The following CD80 variants were observed in gnomAD, a reference collection of about 807,000 sequenced individuals.
The protein encoded by CD80 is CD80 molecule, also known as T-lymphocyte activation antigen CD80.
CD80 carries 13 observed loss-of-function variants against 27.1 expected under a neutral mutation model. The ratio of observed to expected loss-of-function variants is 0.48; its 90% CI spans 0.31 to 0.76. The LOEUF (loss-of-function observed/expected upper bound fraction) is 0.76. CD80 is among the 30% of genes least tolerant of loss of function. The pLI, the probability that CD80 is intolerant of heterozygous loss-of-function variation, is 0.04. For synonymous variants in CD80, 125 were observed against 125.5 expected (o/e 1.00, Z 0.03); for missense variants, 277 against 347.9 (o/e 0.80, Z 1.62).
chr3:119,537,325 G>A lies in CD80; in HGVS notation c.512C>T (p.Pro171Leu). ...ICSTSGGFPEPHLSWLENGEE... is the reference protein window; with the variant it reads ...ICSTSGGFPELHLSWLENGEE... ...TCCATTTTCCAACCAGGAGAGGTGAGGCTCTGGAAAACCTCCAGAGGTTGA... is the reference window on the plus strand; with the variant it reads ...TCCATTTTCCAACCAGGAGAGGTGAAGCTCTGGAAAACCTCCAGAGGTTGA... The change falls in exon 4 of 7, where the codon CCT becomes CTT. Residue 171 changes from proline (P) to leucine (L), a missense_variant. Pro to Leu is a moderately conservative substitution (Grantham distance 98, BLOSUM62 -3). Transcript: ENST00000264246. 1 of 1,613,926 alleles carries A rather than the reference G, an allele frequency of 6.2e-7. No individual in the cohort carries two copies. The highest frequency in any genetic ancestry group is 8.5e-7 in the Non-Finnish European group (1 of 1,179,856).
Position 119,544,714 on chromosome 3 carries a change from G to A in CD80, c.254C>T (p.Pro85Leu). 1 of 1,614,134 alleles carries A rather than the reference G, an allele frequency of 6.2e-7. No homozygotes were observed. The highest frequency in any genetic ancestry group is 8.5e-7 in the Non-Finnish European group (1 of 1,180,024). ...AAAGATGGTCCGGTTCTTGTACTCG[G>A]GCCATATATTCATGTCCCCAGACAT... ...TMMSGDMNIWPEYKNRTIFDI... is the reference protein window; with the variant it reads ...TMMSGDMNIWLEYKNRTIFDI... The change falls in exon 3 of 7, where the codon CCC (proline) becomes CTC (leucine). Residue 85 changes from proline (P) to leucine (L), a missense_variant. Coordinates refer to ENST00000264246, the MANE Select transcript of CD80 (RefSeq NM_005191.4).
At chr3:119,549,094 T>G (rs74643995) in intron 2 of CD80, among the ~76,000 whole-genome samples, 10,299 of 152,104 alleles carry the variant, frequency 0.068, 1,115 homozygotes, top group African/African-American at 0.23. Context: ...CCAGGCCTGA[T>G]TGATCCCATG....
Position 119,529,897 on chromosome 3 carries a change from C to T in CD80, c.741G>A (p.Trp247Ter), listed in dbSNP as rs2082100331. The T allele has an allele frequency of 6.2e-7, 1 of 1,613,646 alleles. No individual in the cohort carries two copies. Among genetic ancestry groups the T allele is most frequent in the Non-Finnish European group, 8.5e-7 (1 of 1,179,800 alleles). ...EHFPDNLLPS[W>*]AITLISVNGI... is the part of the protein sequence containing the mutation. ...CATTTACTGAGATTAAGGTAATGGC[C>T]CAGGATGGGAGCAGGTTATCAGGAA... is the stretch of plus-strand genomic sequence containing the variant. Residue 247 changes from tryptophan to a stop codon, truncating the protein, a stop_gained, in exon 5 of 7, where the codon TGG becomes TGA. Coordinates refer to ENST00000264246, the MANE Select transcript of CD80 (RefSeq NM_005191.4). LOFTEE classifies it high-confidence loss of function.
chr3:119,548,209 T>C (rs1416437059), intron 2 of CD80, among the ~76,000 whole-genome samples: 1 of 152,166 alleles, frequency 6.6e-6, no homozygotes, highest in Non-Finnish European at 1.5e-5. Context: ...CTCAAACTCC[T>C]GATCTCAGGT....
At chr3:119,542,305 C>G (rs1374938515) in intron 3 of CD80, among the ~76,000 whole-genome samples, 7 of 151,986 alleles carry the variant, frequency 4.6e-5, no homozygotes. Context: ...TTGGCTTACT[C>G]CCCACAACTT....
At position 119,527,794 on chromosome 3, in the gene CD80, T is replaced by C; in HGVS notation, c.844A>G (p.Arg282Gly). Residue 282 changes from arginine (R) to glycine (G), a missense_variant, in exon 6 of 7, where the codon AGG (arginine) becomes GGG (glycine). Arg to Gly is a moderately radical substitution (Grantham distance 125, BLOSUM62 -2). Transcript: ENST00000264246. Reference protein sequence around the residue: ...RERRRNERLRRESVRPV With the variant: ...RERRRNERLRGESVRPV ...TGTTATACAGGGCGTACACTTTCCCTTCTCAATCTCTCATTCCTCCTTCTC... is the reference window on the plus strand; with the variant it reads ...TGTTATACAGGGCGTACACTTTCCCCTCTCAATCTCTCATTCCTCCTTCTC... 1 of 1,614,052 alleles carries C rather than the reference T, an allele frequency of 6.2e-7. No homozygotes were observed. Among genetic ancestry groups the C allele is most frequent in the South Asian group, 1.1e-5 (1 of 91,082 alleles).
intron 2 of CD80, among the ~76,000 whole-genome samples, chr3:119,553,263 C>T (rs75580467): frequency 0.12 from 17,785 of 151,846 alleles, 1,327 homozygotes; most frequent in South Asian, 0.18. Flanking sequence ...CCTCAGCCTC[C>T]TGAGTAGCTA....
intron 6 of CD80, among the ~76,000 whole-genome samples, chr3:119,526,742 A>T (rs2082069626): frequency 6.6e-6 from 1 of 152,186 alleles, no homozygotes; most frequent in Non-Finnish European, 1.5e-5. Context: ...AGCGTCAGGT[A>T]TTATTTTTCA....
chr3:119,552,653 T>C (rs897505808), intron 2 of CD80, among the ~76,000 whole-genome samples: 10 of 149,576 alleles, frequency 6.7e-5, no homozygotes, highest in Non-Finnish European at 1.2e-4. Flanking sequence ...CTAGGCAACA[T>C]AGCAAAAACC....
At chr3:119,525,999 G>A (rs935236036) in intron 6 of CD80, among the ~76,000 whole-genome samples, 6 of 151,836 alleles carry the variant, frequency 4.0e-5, no homozygotes, top group Non-Finnish European at 8.8e-5. Context: ...CTTGATAGCT[G>A]AAGAATATGA....
rs1214563381 is a variant in CD80, at chr3:119,553,723, G to A, written c.100+3906C>T. 2.6e-5 allele frequency among the ~76,000 whole-genome samples: 4 copies of A among 152,204 alleles called. No homozygotes were observed. In the East Asian group the frequency reaches 7.7e-4, roughly 29 times the overall value. ...CATCTTTTAACTCACCAAATGACGG[G>A]ACATACATGATCTCCCTGGAAACAC... On this transcript the variant is annotated intron_variant, in intron 2 of 6. Coordinates refer to ENST00000264246, the MANE Select transcript of CD80 (RefSeq NM_005191.4).
At position 119,527,763 on chromosome 3, in the gene CD80, G is replaced by A. The variant is rs754372048; in HGVS notation, c.*8C>T. On this transcript the variant is annotated 3_prime_UTR_variant, in exon 6 of 7. Transcript: ENST00000264246. ...GATCTTTTCAGCCCCTTGCTTCTGC[G>A]GACACTGTTATACAGGGCGTACACT... 51 of 1,611,380 alleles carry A rather than the reference G, an allele frequency of 3.2e-5. No individual in the cohort carries two copies. Among genetic ancestry groups the A allele is most frequent in the Admixed American group, 1.3e-4 (8 of 59,980 alleles).
intron 3 of CD80, among the ~76,000 whole-genome samples, chr3:119,538,012 G>T (rs2082148566): frequency 2.0e-5 from 3 of 152,166 alleles, no homozygotes; most frequent in Admixed American, 6.5e-5. Context: ...ACTTGCAATT[G>T]TAAGAGATGA....
intron 5 of CD80, 47 bp downstream of exon 5, chr3:119,529,795 T>C: frequency 7.7e-7 from 1 of 1,302,766 alleles, no homozygotes; most frequent in East Asian, 2.3e-5. Flanking sequence ...GTAATAAAGT[T>C]TGATCTTCCA....
At chr3:119,553,657 C>G (rs1217236872) in intron 2 of CD80, among the ~76,000 whole-genome samples, 1 of 152,198 alleles carries the variant, frequency 6.6e-6, no homozygotes, top group Admixed American at 6.5e-5. Flanking sequence ...GGAGCTGCAT[C>G]ACCACTGCTA....
At chr3:119,552,785 C>T (rs1300233996) in intron 2 of CD80, among the ~76,000 whole-genome samples, 1 of 152,056 alleles carries the variant, frequency 6.6e-6, no homozygotes, top group Non-Finnish European at 1.5e-5. Context: ...ACCTGAAAGA[C>T]ATAATGCTCA....
chr3:119,554,860 A>G (rs1047683643), intron 2 of CD80, among the ~76,000 whole-genome samples: 111 of 152,356 alleles, frequency 7.3e-4, no homozygotes, highest in African/African-American at 2.4e-3. Context: ...CATTAAAGAC[A>G]TCATCAGTTA....
chr3:119,554,076 T>G (rs981683048), intron 2 of CD80, among the ~76,000 whole-genome samples: 3 of 152,256 alleles, frequency 2.0e-5, no homozygotes, highest in Admixed American at 1.3e-4. Flanking sequence ...GTTTAGACCC[T>G]GCTCATATAC....
intron 2 of CD80, among the ~76,000 whole-genome samples, chr3:119,545,735 CACA>C (rs1245118599): frequency 1.3e-4 from 20 of 150,924 alleles, no homozygotes; most frequent in African/African-American, 4.7e-4. Context: ...ATATTACACA[CACA>C]CCCCCCCCCA....
Sources: allele counts gnomAD v4.1 joint callset (sites outside exome capture counted in the v4.1 genomes callset), GRCh38; gene constraint gnomAD v4.1.1; transcripts MANE v1.5; gene names NCBI Gene and HGNC (gene_info 2026-07-23, HGNC 2026-07-21).